The following RGL1 variants were observed in gnomAD, a reference collection of about 807,000 sequenced individuals.
RGL1 encodes ral guanine nucleotide dissociation stimulator like 1.
A neutral mutation model predicts 95.2 loss-of-function variants in RGL1; 24 were observed. The ratio of observed to expected loss-of-function variants is 0.25; its 90% confidence interval spans 0.18 to 0.35. The LOEUF (loss-of-function observed/expected upper bound fraction) is 0.35, where lower values mean the gene tolerates loss of function less well. Among genes scored for constraint, RGL1 ranks in the 10% least tolerant of loss-of-function variants. The pLI is 1.00. For missense variants in RGL1, 715 were observed against 936.3 expected, an observed-to-expected ratio of 0.76 and a Z score of 3.08; for synonymous variants, 329 against 344.9, an observed-to-expected ratio of 0.95 and a Z score of 0.51.
At chr1:183,824,817 T>C (rs1329028003) in intron 2 of RGL1, among the ~76,000 whole-genome samples, 2 of 152,252 alleles carry the variant, frequency 1.3e-5, no homozygotes, top group Non-Finnish European at 2.9e-5. Context: ...TCTTGAAGCC[T>C]CTTGCCTGTT....
rs1458203552 is a variant in RGL1, at chr1:183,874,890, A to AG, written c.426-5724dup. Among the ~76,000 whole-genome samples the AG allele has an allele frequency of 9.0e-4, 137 of 152,288 alleles. 1 individual carries two copies. Among genetic ancestry groups the AG allele is most frequent in the Non-Finnish European group, 4.1e-4 (28 of 68,016 alleles). On this transcript the variant is annotated intron_variant, in intron 4 of 17. Coordinates refer to ENST00000360851, the MANE Select transcript of RGL1 (RefSeq NM_001297671.3). ...AACAGAGCAAAACTGTTCTATGATT[A>AG]GGAGAACAAGGTGGAGGGTCCGGCC... is the stretch of plus-strand genomic sequence containing the variant.
intron 1 of RGL1, among the ~76,000 whole-genome samples, chr1:183,704,295 C>T (rs773110124): frequency 1.4e-4 from 22 of 152,130 alleles, no homozygotes; most frequent in South Asian, 4.1e-4. Context: ...AGTTAGGAAA[C>T]GCTGTTCTTT....
intron 1 of RGL1, among the ~76,000 whole-genome samples, chr1:183,663,776 C>T (rs565965959): frequency 0.062 from 9,156 of 148,484 alleles, 541 homozygotes; most frequent in African/African-American, 0.15. Flanking sequence ...ATGTTTATTG[C>T]AGCACTATTC....
chr1:183,663,215 A>G (rs1315101051), intron 1 of RGL1, among the ~76,000 whole-genome samples: 7 of 152,090 alleles, frequency 4.6e-5, no homozygotes, highest in Non-Finnish European at 8.8e-5. Context: ...GACAAATGGG[A>G]TCTAATTAAA....
At chr1:183,837,764 T>A (rs1663770572) in intron 2 of RGL1, among the ~76,000 whole-genome samples, 1 of 152,164 alleles carries the variant, frequency 6.6e-6, no homozygotes, top group Admixed American at 6.5e-5. Context: ...GGAAGACAGT[T>A]TTTCCATGAA....
chr1:183,704,906 T>C (rs1654810501), intron 1 of RGL1, among the ~76,000 whole-genome samples: 1 of 152,182 alleles, frequency 6.6e-6, no homozygotes. Flanking sequence ...CCAAGAACTG[T>C]GGCTTCAAGC....
chr1:183,848,042 C>T (rs1664562536), intron 3 of RGL1, among the ~76,000 whole-genome samples: 1 of 152,160 alleles, frequency 6.6e-6, no homozygotes, highest in Non-Finnish European at 1.5e-5. Flanking sequence ...TATGGATTTA[C>T]TATTTGCCAC....
chr1:183,868,056 A>C (rs1030148452), intron 4 of RGL1, among the ~76,000 whole-genome samples: 2 of 152,228 alleles, frequency 1.3e-5, no homozygotes, highest in African/African-American at 4.8e-5. Context: ...TGTTTTTAGA[A>C]GGGCTTGGGG....
chr1:183,718,937 A>C (rs1193293888), intron 1 of RGL1, among the ~76,000 whole-genome samples: 1 of 152,106 alleles, frequency 6.6e-6, no homozygotes, highest in Non-Finnish European at 1.5e-5. Context: ...AAACAAAAAA[A>C]CGAAAACGAA....
intron 1 of RGL1, among the ~76,000 whole-genome samples, chr1:183,731,284 G>A (rs902987881): frequency 6.6e-6 from 1 of 152,130 alleles, no homozygotes; most frequent in African/African-American, 2.4e-5. Flanking sequence ...TTACATATGT[G>A]AATAAGAAGT....
intron 1 of RGL1, among the ~76,000 whole-genome samples, chr1:183,643,049 T>C (rs189086910): frequency 9.8e-5 from 15 of 152,308 alleles, no homozygotes; most frequent in Admixed American, 7.8e-4. Flanking sequence ...TTTATTTAAC[T>C]TGGCATAATG....
At chr1:183,869,133 A>T (rs536550734) in intron 4 of RGL1, among the ~76,000 whole-genome samples, 2 of 152,290 alleles carry the variant, frequency 1.3e-5, no homozygotes, top group Admixed American at 1.3e-4. Context: ...AAAGTAAATA[A>T]TAATAATAAA....
chr1:183,653,723 C>T (rs1003303563), intron 1 of RGL1, among the ~76,000 whole-genome samples: 6 of 152,286 alleles, frequency 3.9e-5, no homozygotes, highest in African/African-American at 1.2e-4. Context: ...TATGTGTTAG[C>T]GGTTTCCCTC....
intron 1 of RGL1, among the ~76,000 whole-genome samples, chr1:183,694,251 C>T (rs762326908): frequency 3.3e-5 from 5 of 152,230 alleles, no homozygotes; most frequent in Middle Eastern, 3.4e-3. Flanking sequence ...CAGGAGAGTG[C>T]GGTGTGTTGA....
At chr1:183,845,843 A>G (rs114035687) in intron 2 of RGL1, among the ~76,000 whole-genome samples, 2,008 of 152,292 alleles carry the variant, frequency 0.013, 36 homozygotes, top group African/African-American at 0.044. Flanking sequence ...AAATTTAACA[A>G]TCCTCTCTCC....
At chr1:183,647,910 A>G (rs138792502) in intron 1 of RGL1, 2 of 1,614,188 alleles carry the variant, frequency 1.2e-6, no homozygotes, top group South Asian at 2.2e-5. Context: ...CACAAAAACA[A>G]CAGGAGCCCT....
rs1392045109 is a variant in RGL1 at position 183,926,110 on chromosome 1, G to T, written c.2125G>T (p.Val709Leu). Residue 709 changes from valine to leucine, a missense_variant, in exon 18 of 18, where the codon GTG (valine) becomes TTG (leucine). Val to Leu is a conservative substitution (Grantham distance 32, BLOSUM62 1). Transcript: ENST00000360851. ...VQVISEDKELVIPDSANVFYA... is the reference protein window; with the variant it reads ...VQVISEDKELLIPDSANVFYA... The stretch of plus-strand genomic sequence containing the variant: ...TCTTTCCTTATCTTTTTCAGAACTT[G>T]TGATTCCAGACTCAGCAAATGTCTT... 6.2e-7 allele frequency: 1 copy of T among 1,612,966 alleles called. No homozygotes were observed. The highest frequency in any genetic ancestry group is 1.3e-5 in the African/African-American group (1 of 74,980).
intron 4 of RGL1, among the ~76,000 whole-genome samples, chr1:183,870,284 T>C (rs1375868429): frequency 8.2e-6 from 1 of 122,502 alleles, no homozygotes; most frequent in East Asian, 2.0e-4. Context: ...GGGGTATGTG[T>C]CTTCCGGCCA....
chr1:183,742,349 A>G, intron 2 of RGL1: 1 of 1,595,896 alleles, frequency 6.3e-7, no homozygotes, highest in Non-Finnish European at 8.6e-7. Context: ...ACCTGAGACC[A>G]TAATTCTTCG....
Sources: gnomAD v4.1 joint callset for allele counts (sites outside exome capture counted in the v4.1 genomes callset) on GRCh38, gnomAD v4.1.1 for gene constraint, MANE v1.5 for transcripts, NCBI Gene and HGNC (gene_info 2026-07-23, HGNC 2026-07-21) for gene names.